TNC: variants seen among roughly 807,000 people sequenced by gnomAD.
TNC encodes tenascin.
TNC carries 109 observed loss-of-function variants against 202.4 expected under a neutral mutation model. The ratio of observed to expected loss-of-function variants is 0.54; its 90% CI spans 0.46 to 0.63. The LOEUF is 0.63. Among genes scored for constraint, TNC ranks in the 30% least tolerant of loss-of-function variants. The probability of loss-of-function intolerance (pLI) is 0.00; values close to 1 mark genes in which losing one functional copy is unlikely to be tolerated. For synonymous variants in TNC, 1,007 were observed against 1,089.7 expected (o/e 0.92, Z 1.50); for missense variants, 2,756 against 2,833.3 (o/e 0.97, Z 0.62).
chr9:115,052,208 C>T (rs1831739764), intron 15 of TNC, among the ~76,000 whole-genome samples: 1 of 151,674 alleles, frequency 6.6e-6, no homozygotes, highest in Non-Finnish European at 1.5e-5. Flanking sequence ...AATCGAGGCA[C>T]AGAAAGACAA....
chr9:115,037,851 A>C (rs1471613867), intron 20 of TNC, among the ~76,000 whole-genome samples: 1 of 152,210 alleles, frequency 6.6e-6, no homozygotes, highest in East Asian at 1.9e-4. Flanking sequence ...TTTTAATTAA[A>C]TCTGCTAAAA....
At chr9:115,058,240 G>T (rs905861794) in intron 14 of TNC, among the ~76,000 whole-genome samples, 5 of 152,292 alleles carry the variant, frequency 3.3e-5, no homozygotes, top group East Asian at 3.9e-4. Context: ...GCAGAGGGCA[G>T]GTAGGAGCAG....
intron 11 of TNC, among the ~76,000 whole-genome samples, chr9:115,064,300 A>G (rs891378933): frequency 1.3e-5 from 2 of 152,176 alleles, no homozygotes; most frequent in African/African-American, 2.4e-5. Context: ...CTTAACCCTC[A>G]GTAGATGAGA....
chr9:115,108,548 G>T (rs1836790917), intron 1 of TNC, among the ~76,000 whole-genome samples: 2 of 152,172 alleles, frequency 1.3e-5, no homozygotes, highest in East Asian at 1.9e-4. Flanking sequence ...ACCAGTCATT[G>T]TTTATGCCCT....
Position 115,088,686 on chromosome 9 carries a change from G to A in TNC, c.458-1413C>T, listed in dbSNP as rs561320123. ...TATTTTATCTCATTCTTGACAGCAG[G>A]AAGAAAGAATTTTTTAAAAAAAGCT... On this transcript the variant is annotated intron_variant, in intron 2 of 27. Coordinates refer to ENST00000350763, the MANE Select transcript of TNC (RefSeq NM_002160.4). Among the ~76,000 whole-genome samples, 5 of 151,758 alleles carry A rather than the reference G, an allele frequency of 3.3e-5. No homozygotes were observed. The East Asian group carries it at 5.8e-4, about 18-fold the overall frequency.
chr9:115,079,206 T>A (rs1834111861), intron 6 of TNC, among the ~76,000 whole-genome samples: 1 of 152,074 alleles, frequency 6.6e-6, no homozygotes, highest in African/African-American at 2.4e-5. Context: ...AATCTTTGAA[T>A]CTTTCTTTCT....
At chr9:115,060,597 T>G (rs527759162) in intron 13 of TNC, among the ~76,000 whole-genome samples, 1 of 152,348 alleles carries the variant, frequency 6.6e-6, no homozygotes, top group South Asian at 2.1e-4. Context: ...ATTGTTCAAG[T>G]GTTTTCCCTT....
chr9:115,099,642 C>G (rs758355664), intron 1 of TNC, among the ~76,000 whole-genome samples: 16 of 152,160 alleles, frequency 1.1e-4, no homozygotes, highest in African/African-American at 1.4e-4. Flanking sequence ...CAATAAAGTT[C>G]TTTCAACTGA....
In TNC at chr9:115,086,908, C is replaced by T; in HGVS notation, c.823G>A (p.Ala275Thr). ...DGLCVCHDGFAGDDCNKPLCL... is the reference protein window; with the variant it reads ...DGLCVCHDGFTGDDCNKPLCL... ...AGAGGCTTGTTGCAGTCATCGCCTG[C>T]AAAGCCATCGTGGCACACACACAAG... The change falls in exon 3 of 28, where the codon GCA (alanine) becomes ACA (threonine). Residue 275 changes from alanine (A) to threonine (T), a missense_variant. Transcript: ENST00000350763. The T allele has an allele frequency of 6.2e-7, 1 of 1,614,068 alleles. No individual in the cohort carries two copies. The highest frequency in any genetic ancestry group is 8.5e-7 in the Non-Finnish European group (1 of 1,180,028).
In TNC at chr9:115,059,803, C is replaced by T. The variant is rs150846353; in HGVS notation, c.4233G>A (p.Thr1411=). 2.7e-4 allele frequency: 434 copies of T among 1,614,080 alleles called. No individual in the cohort carries two copies. Among genetic ancestry groups the T allele is most frequent in the Non-Finnish European group, 3.1e-4 (371 of 1,179,978 alleles). The change falls in exon 14 of 28, where the codon ACG becomes ACA. Residue 1411 remains threonine (T), a synonymous_variant. Transcript: ENST00000350763. ...AVDIPGLEAA[T]PYRVSIYGVI... Reference sequence around the variant, plus strand: ...CCCCATAGATGGAGACTCTATAAGGCGTGGCAGCCTCGAGGCCCGGGATGT... The same window carrying T: ...CCCCATAGATGGAGACTCTATAAGGTGTGGCAGCCTCGAGGCCCGGGATGT...
At chr9:115,094,585 A>T (rs1458070609) in intron 1 of TNC, among the ~76,000 whole-genome samples, 1 of 152,206 alleles carries the variant, frequency 6.6e-6, no homozygotes, top group Non-Finnish European at 1.5e-5. Flanking sequence ...CAGAATGAGC[A>T]ACTTATTCTA....
chr9:115,084,368 G>T lies in TNC; in HGVS notation c.1972C>A (p.Pro658Thr), dbSNP rs1346957159. The T allele has an allele frequency of 6.2e-7, 1 of 1,614,074 alleles. No individual in the cohort carries two copies. Among genetic ancestry groups the T allele is most frequent in the African/African-American group, 1.3e-5 (1 of 74,920 alleles). ...RVTEYLVVYT[P>T]THEGGLEMQF... ...ATTTCCAGACCACCCTCGTGGGTGG[G>T]CGTGTACACGACAAGGTACTCTGTG... The change falls in exon 4 of 28, where the codon CCC (proline) becomes ACC (threonine). Residue 658 changes from proline (P) to threonine (T), a missense_variant. Pro to Thr is a conservative substitution (Grantham distance 38). Around this residue, in one of 2 missense-constraint regions of TNC, gnomAD observed 2,559 missense variants for 2,546.0 expected, o/e 1.01. Coordinates refer to ENST00000350763, the MANE Select transcript of TNC (RefSeq NM_002160.4).
chr9:115,100,907 C>T (rs944493235), intron 1 of TNC, among the ~76,000 whole-genome samples: 3 of 151,960 alleles, frequency 2.0e-5, no homozygotes, highest in African/African-American at 7.3e-5. Flanking sequence ...GGGAAAAAAA[C>T]CTTTAAAAAT....
chr9:115,049,607 AG>A (rs1831491308), intron 15 of TNC, among the ~76,000 whole-genome samples: 1 of 152,056 alleles, frequency 6.6e-6, no homozygotes, highest in African/African-American at 2.4e-5. Flanking sequence ...TTAGTGGAGA[AG>A]GTTCAGCGTC....
chr9:115,065,052 T>C, intron 10 of TNC, 133 bp from the exon 11 acceptor site: 1 of 952,818 alleles, frequency 1.0e-6, no homozygotes, highest in Non-Finnish European at 1.6e-6. Flanking sequence ...GTTCACTGCA[T>C]CCCCTACTGG....
Position 115,068,243 on chromosome 9 carries a change from T to C in TNC, c.3215-3324A>G, listed in dbSNP as rs189754956. The stretch of plus-strand genomic sequence containing the variant: ...TATCAAAAGGCTGTTGTCTTCTTCT[T>C]ACAGCTGTGCACTGGAATCTACCCT... On this transcript the variant is annotated intron_variant, in intron 10 of 27. Coordinates refer to ENST00000350763, the MANE Select transcript of TNC (RefSeq NM_002160.4). Among the ~76,000 whole-genome samples, 380 of 152,332 alleles carry C rather than the reference T, an allele frequency of 2.5e-3. 11 individuals carry two copies. The highest frequency in any genetic ancestry group is 2.9e-4 in the Non-Finnish European group (20 of 68,032).
At chr9:115,103,060 T>C (rs529819515) in intron 1 of TNC, among the ~76,000 whole-genome samples, 18 of 152,342 alleles carry the variant, frequency 1.2e-4, no homozygotes, top group African/African-American at 4.3e-4. Context: ...TTCGTTTTAA[T>C]TCATTCAGTT....
chr9:115,034,941 T>A (rs1403266771), intron 22 of TNC, among the ~76,000 whole-genome samples: 1 of 152,192 alleles, frequency 6.6e-6, no homozygotes, highest in Non-Finnish European at 1.5e-5. Flanking sequence ...GGATCAAGAT[T>A]CCAGCTCCTA....
chr9:115,116,092 G>A (rs560688075), intron 1 of TNC, among the ~76,000 whole-genome samples: 2 of 152,170 alleles, frequency 1.3e-5, no homozygotes, highest in African/African-American at 2.4e-5. Flanking sequence ...TGTTGCAAGA[G>A]CCCTGTGAGA....
Sources: gnomAD v4.1 joint callset for allele counts (sites outside exome capture counted in the v4.1 genomes callset) on GRCh38, gnomAD v4.1.1 for gene constraint, gnomAD v4.1.1 regional missense constraint, MANE v1.5 for transcripts, NCBI Gene and HGNC (gene_info 2026-07-23, HGNC 2026-07-21) for gene names.